Variants in RAP1A observed in about 807,000 individuals in gnomAD.
The protein encoded by RAP1A is ras-related protein Rap-1A.
RAP1A carries 6 observed loss-of-function variants against 26.4 expected under a neutral mutation model. The observed-to-expected ratio is 0.23, with a 90% CI of 0.12 to 0.45. The LOEUF (loss-of-function observed/expected upper bound fraction) is 0.45. Among genes scored for constraint, RAP1A ranks in the 20% least tolerant of loss-of-function variants. The pLI is 0.99. For synonymous variants in RAP1A, 73 were observed against 79.4 expected (o/e 0.92, Z 0.43); for missense variants, 121 against 217.2 (o/e 0.56, Z 2.78).
chr1:111,711,227 G>C (rs1662375962), intron 7 of RAP1A, among the ~76,000 whole-genome samples: 1 of 152,198 alleles, frequency 6.6e-6, no homozygotes, highest in African/African-American at 2.4e-5. Context: ...TGCAAAGATA[G>C]AGAAAATGAA....
At chr1:111,646,760 C>T (rs146285175) in intron 1 of RAP1A, among the ~76,000 whole-genome samples, 4 of 152,256 alleles carry the variant, frequency 2.6e-5, no homozygotes, top group East Asian at 3.9e-4. Context: ...AGGATTGTCT[C>T]GATCTCCTGA....
At chr1:111,666,144 T>G (rs1660789978) in intron 1 of RAP1A, among the ~76,000 whole-genome samples, 1 of 152,214 alleles carries the variant, frequency 6.6e-6, no homozygotes, top group Non-Finnish European at 1.5e-5. Flanking sequence ...TGTATAATCT[T>G]TTGTTGAAGT....
intron 1 of RAP1A, among the ~76,000 whole-genome samples, chr1:111,677,692 C>G (rs1661170537): frequency 6.6e-6 from 1 of 152,180 alleles, no homozygotes; most frequent in African/African-American, 2.4e-5. Flanking sequence ...TGACTGGCTT[C>G]TCTCAGAGCA....
chr1:111,609,347 AT>A (rs1031836675), intron 1 of RAP1A, among the ~76,000 whole-genome samples: 68 of 151,988 alleles, frequency 4.5e-4, no homozygotes, highest in Non-Finnish European at 7.2e-4. Context: ...CATTATTATT[AT>A]TTTTTTTAAT....
At chr1:111,662,255 C>T (rs530653369) in intron 1 of RAP1A, among the ~76,000 whole-genome samples, 90 of 151,924 alleles carry the variant, frequency 5.9e-4, no homozygotes, top group Middle Eastern at 3.4e-3. Flanking sequence ...ATTAGCCGGG[C>T]GTGATGGCAG....
chr1:111,703,172 T>C lies in RAP1A; in HGVS notation c.184-164T>C, dbSNP rs139804037. Among the ~76,000 whole-genome samples, 5 of 152,366 alleles carry C rather than the reference T, an allele frequency of 3.3e-5. No individual in the cohort carries two copies. The East Asian group carries it at 9.6e-4, about 29-fold the overall frequency. On this transcript the variant is annotated intron_variant, in intron 4 of 7. Transcript: ENST00000369709. Reference sequence around the variant, plus strand: ...TTTTAATTCTAGTTTACTGTCATTGTTTCTAGTCACCTCAGTTGCTAGAAA... The same window carrying C: ...TTTTAATTCTAGTTTACTGTCATTGCTTCTAGTCACCTCAGTTGCTAGAAA...
At chr1:111,689,985 A>G (rs1661619814) in intron 1 of RAP1A, among the ~76,000 whole-genome samples, 1 of 151,962 alleles carries the variant, frequency 6.6e-6, no homozygotes, top group African/African-American at 2.4e-5. Flanking sequence ...CTCAGGTCAC[A>G]TTTTCTTTCT....
chr1:111,574,407 T>C (rs1387179743), intron 1 of RAP1A, among the ~76,000 whole-genome samples: 1 of 152,240 alleles, frequency 6.6e-6, no homozygotes, highest in Non-Finnish European at 1.5e-5. Context: ...TCCAGCTTCA[T>C]CCTTTTGCTT....
intron 1 of RAP1A, among the ~76,000 whole-genome samples, chr1:111,681,927 C>T (rs71673431): frequency 0.04 from 6,133 of 152,172 alleles, 140 homozygotes; most frequent in South Asian, 0.079. Flanking sequence ...AAGGAAAAAA[C>T]GTTAAGGCCA....
chr1:111,689,914 G>A, intron 1 of RAP1A, among the ~76,000 whole-genome samples: 1 of 152,150 alleles, frequency 6.6e-6, no homozygotes, highest in East Asian at 1.9e-4. Flanking sequence ...CTGACCTCGT[G>A]ATCCACCCGC....
Position 111,585,108 on chromosome 1 carries a change from A to T in RAP1A, c.-28+42599A>T, listed in dbSNP as rs376241730. Among the ~76,000 whole-genome samples the T allele has an allele frequency of 1.8e-4, 27 of 152,320 alleles. No individual in the cohort carries two copies. The East Asian group carries it at 3.1e-3, about 17-fold the overall frequency. ...TAGCTATTCCATCGTGGCTTCATCA[A>T]TTGGACAGGGTGAATGTCACCTCTG... On this transcript the variant is annotated intron_variant, in intron 1 of 7. Coordinates refer to the RAP1A transcript ENST00000356415.
chr1:111,704,204 A>T, intron 5 of RAP1A, 139 bp from the exon 6 acceptor site: 1 of 739,898 alleles, frequency 1.4e-6, no homozygotes, highest in Non-Finnish European at 1.9e-6. Context: ...CTCAACATAT[A>T]CTTTTCGTTA....
chr1:111,562,528 G>C (rs767947260), intron 1 of RAP1A, among the ~76,000 whole-genome samples: 2 of 152,248 alleles, frequency 1.3e-5, no homozygotes, highest in Non-Finnish European at 2.9e-5. Context: ...AAATGTGACA[G>C]ATGATTTGGA....
At chr1:111,654,636 C>G (rs1264205883) in intron 1 of RAP1A, among the ~76,000 whole-genome samples, 4 of 151,882 alleles carry the variant, frequency 2.6e-5, no homozygotes, top group Non-Finnish European at 5.9e-5. Flanking sequence ...TAGAAACATG[C>G]TTGCACATAA....
At chr1:111,611,525 T>C (rs182204248) in intron 1 of RAP1A, among the ~76,000 whole-genome samples, 2 of 152,374 alleles carry the variant, frequency 1.3e-5, no homozygotes, top group African/African-American at 4.8e-5. Flanking sequence ...ACGGTTTATC[T>C]TTCCTATAAA....
intron 1 of RAP1A, among the ~76,000 whole-genome samples, chr1:111,626,420 C>T (rs779780644): frequency 1.3e-5 from 2 of 151,806 alleles, no homozygotes; most frequent in Non-Finnish European, 2.9e-5. Flanking sequence ...TATATACACA[C>T]GTTGTAGGGA....
At position 111,696,879 on chromosome 1, in the gene RAP1A, CTG is replaced by C. The variant is rs749029617; in HGVS notation, c.127-560_127-559del. On this transcript the variant is annotated intron_variant, in intron 3 of 7. Coordinates refer to ENST00000369709, the MANE Select transcript of RAP1A (RefSeq NM_002884.4). ...AGAAAAGTGCCTTTTTCTTGAGGCA[CTG>C]TTTTAGCTCATTGCTGTTTATTTTA... Among the ~76,000 whole-genome samples the C allele has an allele frequency of 5.3e-4, 81 of 151,966 alleles. 1 individual carries two copies. Among genetic ancestry groups the C allele is most frequent in the South Asian group, 1.7e-3 (8 of 4,818 alleles).
intron 1 of RAP1A, among the ~76,000 whole-genome samples, chr1:111,626,089 G>A (rs1025177210): frequency 2.0e-5 from 3 of 152,134 alleles, no homozygotes; most frequent in Admixed American, 6.5e-5. Flanking sequence ...GTTTGCCACA[G>A]CCTGTCATGT....
chr1:111,610,961 CAT>C (rs1658917428), intron 1 of RAP1A, among the ~76,000 whole-genome samples: 1 of 47,506 alleles, frequency 2.1e-5, no homozygotes, highest in African/African-American at 8.3e-5. Context: ...ATGGAAGAAA[CAT>C]ATTTTTTTTT....
Sources: allele counts gnomAD v4.1 joint callset (sites outside exome capture counted in the v4.1 genomes callset), GRCh38; gene constraint gnomAD v4.1.1; transcripts MANE v1.5; gene names NCBI Gene and HGNC (gene_info 2026-07-23, HGNC 2026-07-21).